DCDC2: variants seen among roughly 807,000 people sequenced by gnomAD.
DCDC2 encodes the protein doublecortin domain-containing protein 2.
A neutral mutation model predicts 50.2 loss-of-function variants in DCDC2; 40 were observed. The observed-to-expected ratio is 0.80, with a 90% confidence interval of 0.62 to 1.04. DCDC2 has a LOEUF of 1.04. Among genes scored for constraint, DCDC2 ranks in the 50% least tolerant of loss-of-function variants. The probability of loss-of-function intolerance (pLI) is 0.00; values close to 1 mark genes in which losing one functional copy is unlikely to be tolerated. For missense variants in DCDC2, 570 were observed against 581.9 expected (o/e 0.98, Z 0.21); for synonymous variants, 234 against 210.6 (o/e 1.11, Z -0.96).
At chr6:24,276,761 C>G (rs769828104) in intron 7 of DCDC2, among the ~76,000 whole-genome samples, 58 of 151,982 alleles carry the variant, frequency 3.8e-4, no homozygotes, top group Non-Finnish European at 6.5e-4. Flanking sequence ...TCCTTGTTTG[C>G]TACTCACGGG....
rs572703678 is a variant in DCDC2 at position 24,353,698 on chromosome 6, A to T, written c.294-75T>A. ...TCAGTAATTTATTTTTAAAAATCAT[A>T]AAAAAATAAAGCAACTCATAGGAAA... On this transcript the variant is annotated intron_variant, in intron 1 of 9. Transcript: ENST00000378454. 469 of 969,778 alleles carry T rather than the reference A, an allele frequency of 4.8e-4. 5 individuals are homozygous for T. The South Asian group carries it at 7.4e-3, about 15-fold the overall frequency. 60.1% of individuals were successfully genotyped at this position (969,778 alleles called of 1,614,324 possible).
At chr6:24,295,658 A>C (rs193153000) in intron 4 of DCDC2, among the ~76,000 whole-genome samples, 14 of 152,354 alleles carry the variant, frequency 9.2e-5, no homozygotes, top group Admixed American at 4.6e-4. Flanking sequence ...AAAAATCAGT[A>C]GCATTCCTAT....
chr6:24,180,592 G>GT (rs112683160), intron 8 of DCDC2, among the ~76,000 whole-genome samples: 4,027 of 151,870 alleles, frequency 0.027, 163 homozygotes, highest in African/African-American at 0.092. Context: ...CCGGCCCAGG[G>GT]TTTTTTTTAA....
intron 2 of DCDC2, among the ~76,000 whole-genome samples, chr6:24,328,091 T>C (rs1202419072): frequency 6.6e-6 from 1 of 152,256 alleles, no homozygotes; most frequent in Non-Finnish European, 1.5e-5. Context: ...GTGTCCGAGA[T>C]ATCTAATAAA....
intron 8 of DCDC2, among the ~76,000 whole-genome samples, chr6:24,180,780 T>C (rs1761053590): frequency 6.6e-6 from 1 of 152,130 alleles, no homozygotes; most frequent in Non-Finnish European, 1.5e-5. Context: ...ACCAAACAAC[T>C]GACCAAACTT....
intron 7 of DCDC2, among the ~76,000 whole-genome samples, chr6:24,220,891 T>A (rs62403467): frequency 0.077 from 7,536 of 98,438 alleles, 273 homozygotes; most frequent in Non-Finnish European, 0.1. Flanking sequence ...AGCGAGAGAG[T>A]GAGCGAGCGA....
chr6:24,338,681 G>T (rs1040667104), intron 2 of DCDC2, among the ~76,000 whole-genome samples: 1 of 152,148 alleles, frequency 6.6e-6, no homozygotes, highest in South Asian at 2.1e-4. Context: ...TTTCACTCCT[G>T]TTGCCCAGGC....
At chr6:24,342,415 C>A (rs192145510) in intron 2 of DCDC2, among the ~76,000 whole-genome samples, 3 of 152,296 alleles carry the variant, frequency 2.0e-5, no homozygotes, top group African/African-American at 7.2e-5. Flanking sequence ...GGTGTCAATA[C>A]GGACTGCTGC....
intron 8 of DCDC2, among the ~76,000 whole-genome samples, chr6:24,192,216 C>G (rs34771854): frequency 6.6e-6 from 1 of 152,204 alleles, no homozygotes; most frequent in Non-Finnish European, 1.5e-5. Flanking sequence ...CTCTTTCTCA[C>G]AGTCAGATCC....
chr6:24,381,764 A>G, the DCDC2 span, among the ~76,000 whole-genome samples: 243 of 150,400 alleles, frequency 1.6e-3, no homozygotes, highest in African/African-American at 5.3e-3. Context: ...GGGCAACACA[A>G]TAAGATCTCA....
chr6:24,315,354 C>G (rs186339355), intron 2 of DCDC2, among the ~76,000 whole-genome samples: 4 of 152,082 alleles, frequency 2.6e-5, no homozygotes, highest in African/African-American at 9.7e-5. Flanking sequence ...GAGAAGAAAG[C>G]CTTCCATACA....
chr6:24,357,580 T>C lies in DCDC2; in HGVS notation c.171A>G (p.Ala57=), dbSNP rs1191351196. 1 of 1,612,814 alleles carries C rather than the reference T, an allele frequency of 6.2e-7. No individual in the cohort carries two copies. The highest frequency in any genetic ancestry group is 1.3e-5 in the African/African-American group (1 of 74,686). The stretch of plus-strand genomic sequence containing the variant: ...AGATGTTCCTGACGGCCCCAAAGGG[T>C]GCCTGAACGCCGCCGGTCACCTCCT... ...FLKEVTGGVQ[A]PFGAVRNIYT... is the part of the protein sequence containing the mutation. The change falls in exon 1 of 10, where the codon GCA becomes GCG. Residue 57 remains alanine (A), a synonymous_variant. Coordinates refer to ENST00000378454, the MANE Select transcript of DCDC2 (RefSeq NM_016356.5).
intron 7 of DCDC2, among the ~76,000 whole-genome samples, chr6:24,206,360 A>C (rs1410941457): frequency 1.3e-5 from 2 of 151,474 alleles, no homozygotes; most frequent in Non-Finnish European, 2.9e-5. Flanking sequence ...CAGCCCAGTG[A>C]GGAAGGAATG....
chr6:24,346,814 A>G (rs935352156), intron 2 of DCDC2, among the ~76,000 whole-genome samples: 1 of 152,096 alleles, frequency 6.6e-6, no homozygotes, highest in African/African-American at 2.4e-5. Flanking sequence ...TCTTGTGGAC[A>G]TCAATGAAAG....
At chr6:24,345,805 A>G (rs1221367229) in intron 2 of DCDC2, among the ~76,000 whole-genome samples, 4 of 152,212 alleles carry the variant, frequency 2.6e-5, no homozygotes, top group Non-Finnish European at 5.9e-5. Flanking sequence ...GCAGATGAGG[A>G]AGAACTGATA....
intron 2 of DCDC2, among the ~76,000 whole-genome samples, chr6:24,315,727 G>A (rs376098450): frequency 2.6e-5 from 4 of 152,076 alleles, no homozygotes; most frequent in East Asian, 3.9e-4. Context: ...ACAGGCTGGC[G>A]GGCACAATGC....
In DCDC2 at chr6:24,190,987, G is replaced by C. The variant is rs908077683; in HGVS notation, c.1024-12355C>G. On this transcript the variant is annotated intron_variant, in intron 8 of 9. Coordinates refer to ENST00000378454, the MANE Select transcript of DCDC2 (RefSeq NM_016356.5). ...AGGGAGAGGACCAAACTGGAAGACA[G>C]GACCGCTGTGCTAATTCTACTACCA... Among the ~76,000 whole-genome samples, 3 of 152,300 alleles carry C rather than the reference G, an allele frequency of 2.0e-5. No homozygotes were observed. The South Asian group carries it at 6.2e-4, about 32-fold the overall frequency.
At chr6:24,266,843 G>A (rs1255392131) in intron 7 of DCDC2, among the ~76,000 whole-genome samples, 1 of 152,170 alleles carries the variant, frequency 6.6e-6, no homozygotes, top group East Asian at 1.9e-4. Context: ...ATATCAAAGA[G>A]ATATCTGCAC....
chr6:24,230,485 A>T (rs1762318269), intron 7 of DCDC2, among the ~76,000 whole-genome samples: 1 of 152,066 alleles, frequency 6.6e-6, no homozygotes. Flanking sequence ...CTACAAAAAA[A>T]TAAATATAAT....
Sources: allele counts gnomAD v4.1 joint callset (sites outside exome capture counted in the v4.1 genomes callset), GRCh38; gene constraint gnomAD v4.1.1; transcripts MANE v1.5; gene names NCBI Gene and HGNC (gene_info 2026-07-23, HGNC 2026-07-21).